The following SLC39A11 variants were observed in gnomAD, a reference collection of about 807,000 sequenced individuals.
The protein encoded by SLC39A11 is zinc transporter ZIP11.
Under a neutral mutation model 36.1 loss-of-function variants are expected in SLC39A11, and 33 were observed. The ratio of observed to expected loss-of-function variants is 0.91; its 90% CI spans 0.69 to 1.22. The LOEUF (loss-of-function observed/expected upper bound fraction) is 1.22. SLC39A11 is among the 50% of genes most tolerant of loss of function. SLC39A11 has a pLI of 0.00. For missense variants in SLC39A11, 432 were observed against 430.3 expected, an observed-to-expected ratio of 1.00 and a Z score of -0.03; for synonymous variants, 166 against 170.3, an observed-to-expected ratio of 0.97 and a Z score of 0.20.
At chr17:72,803,933 T>TGA (rs1206119440) in intron 6 of SLC39A11, among the ~76,000 whole-genome samples, 1 of 150,798 alleles carries the variant, frequency 6.6e-6, no homozygotes, top group East Asian at 1.9e-4. Context: ...CTCTTACACA[T>TGA]GAATACCCTA....
chr17:72,758,509 C>T (rs2075448436), intron 6 of SLC39A11, among the ~76,000 whole-genome samples: 1 of 152,176 alleles, frequency 6.6e-6, no homozygotes, highest in Admixed American at 6.5e-5. Flanking sequence ...TGTCATAGTT[C>T]AGGCCAGTGA....
intron 7 of SLC39A11, among the ~76,000 whole-genome samples, chr17:72,686,734 TA>T (rs1214060625): frequency 2.0e-5 from 3 of 152,148 alleles, no homozygotes; most frequent in Non-Finnish European, 2.9e-5. Context: ...ATAAGGGGCC[TA>T]TGAAAAAAGA....
chr17:72,923,991 T>G (rs533145919), intron 5 of SLC39A11, among the ~76,000 whole-genome samples: 1 of 151,594 alleles, frequency 6.6e-6, no homozygotes, highest in East Asian at 2.0e-4. Flanking sequence ...CAACAAATTT[T>G]TAAAAATTAC....
At chr17:72,898,735 C>T (rs1173982712) in intron 5 of SLC39A11, among the ~76,000 whole-genome samples, 1 of 152,250 alleles carries the variant, frequency 6.6e-6, no homozygotes, top group Non-Finnish European at 1.5e-5. Context: ...GATATTCATA[C>T]ATTATGCAAA....
intron 4 of SLC39A11, among the ~76,000 whole-genome samples, chr17:73,027,197 C>T (rs928119809): frequency 6.6e-6 from 1 of 152,220 alleles, no homozygotes; most frequent in Non-Finnish European, 1.5e-5. Flanking sequence ...AGAAGCACAA[C>T]TGCAAAATCA....
intron 4 of SLC39A11, among the ~76,000 whole-genome samples, chr17:73,011,746 T>TTC: frequency 6.6e-6 from 1 of 150,746 alleles, no homozygotes; most frequent in Non-Finnish European, 1.5e-5. Flanking sequence ...ACTGCAACCT[T>TTC]CGCCTCCTAG....
chr17:72,681,239 T>C (rs1028578909), intron 7 of SLC39A11, among the ~76,000 whole-genome samples: 2 of 152,154 alleles, frequency 1.3e-5, no homozygotes, highest in African/African-American at 2.4e-5. Flanking sequence ...CATGTTTTTG[T>C]TTGAATGCCT....
chr17:72,825,380 G>A (rs1323733144), intron 6 of SLC39A11, among the ~76,000 whole-genome samples: 2 of 152,260 alleles, frequency 1.3e-5, no homozygotes, highest in African/African-American at 2.4e-5. Flanking sequence ...AGATTTCAGA[G>A]GATGTATGGA....
At chr17:72,936,784 AC>A (rs5821933) in intron 5 of SLC39A11, among the ~76,000 whole-genome samples, 152,231 of 152,232 alleles carry the variant, frequency 1, 76,115 homozygotes, top group Middle Eastern at 1. Context: ...AAACCGTTCC[AC>A]CCTCCGATCA....
At chr17:73,057,767 G>A in intron 3 of SLC39A11, among the ~76,000 whole-genome samples, 1 of 152,106 alleles carries the variant, frequency 6.6e-6, no homozygotes, top group East Asian at 1.9e-4. Context: ...GTGAAACCCT[G>A]TCTCTACAAA....
At chr17:73,053,928 C>T (rs2059585875) in intron 3 of SLC39A11, among the ~76,000 whole-genome samples, 2 of 152,320 alleles carry the variant, frequency 1.3e-5, no homozygotes, top group South Asian at 4.1e-4. Context: ...ATCAGAAAGA[C>T]TGATTTCCGT....
intron 5 of SLC39A11, among the ~76,000 whole-genome samples, chr17:72,893,886 G>A (rs1322813919): frequency 6.6e-6 from 1 of 152,094 alleles, no homozygotes; most frequent in Non-Finnish European, 1.5e-5. Flanking sequence ...TAAAAATATT[G>A]TTTTCCTTTT....
In SLC39A11 at chr17:72,794,506, T is replaced by C. The variant is rs1230320858; in HGVS notation, c.601+55128A>G. 2.0e-5 allele frequency among the ~76,000 whole-genome samples: 3 copies of C among 152,100 alleles called. 1 individual carries two copies. The highest frequency in any genetic ancestry group is 7.3e-5 in the African/African-American group (3 of 41,350). Reference sequence around the variant, plus strand: ...AAGATGAAGTGCAAAGTGCTTATCATGGTCCCCAAGGCCCCGGTGTCCTGT... The same window carrying C: ...AAGATGAAGTGCAAAGTGCTTATCACGGTCCCCAAGGCCCCGGTGTCCTGT... On this transcript the variant is annotated intron_variant, in intron 6 of 9. Transcript: ENST00000255559.
At chr17:72,676,089 C>CACACACACAG (rs2144235129) in intron 7 of SLC39A11, among the ~76,000 whole-genome samples, 1 of 149,708 alleles carries the variant, frequency 6.7e-6, no homozygotes, top group African/African-American at 2.5e-5. Context: ...CACACACACA[C>CACACACACAG]ACACACACAC....
At chr17:72,782,938 A>T (rs986088061) in intron 6 of SLC39A11, among the ~76,000 whole-genome samples, 1 of 139,058 alleles carries the variant, frequency 7.2e-6, no homozygotes, top group Non-Finnish European at 1.5e-5. Flanking sequence ...GGAGGCGGAG[A>T]TTGCGGTGAG....
intron 6 of SLC39A11, among the ~76,000 whole-genome samples, chr17:72,752,239 C>A (rs1449649459): frequency 6.6e-6 from 1 of 151,996 alleles, no homozygotes; most frequent in Non-Finnish European, 1.5e-5. Flanking sequence ...TCCTTAATAT[C>A]TTTTTTTCTG....
chr17:72,891,865 T>C (rs2081763394), intron 5 of SLC39A11, among the ~76,000 whole-genome samples: 2 of 151,784 alleles, frequency 1.3e-5, no homozygotes, highest in African/African-American at 4.8e-5. Context: ...ATTTTTATTA[T>C]TTTAAAATTT....
chr17:72,896,882 A>G (rs1598321758), intron 5 of SLC39A11, among the ~76,000 whole-genome samples: 1 of 151,396 alleles, frequency 6.6e-6, no homozygotes, highest in African/African-American at 2.4e-5. Context: ...GAGAAACCCC[A>G]TCTCTACTAA....
At chr17:72,649,948 T>G (rs1036788653) in intron 7 of SLC39A11, among the ~76,000 whole-genome samples, 2 of 152,242 alleles carry the variant, frequency 1.3e-5, no homozygotes, top group Admixed American at 6.5e-5. Context: ...CATAAAGGAT[T>G]GCTGAGTGAC....
Sources: allele counts gnomAD v4.1 joint callset (sites outside exome capture counted in the v4.1 genomes callset), GRCh38; gene constraint gnomAD v4.1.1; transcripts MANE v1.5; gene names NCBI Gene and HGNC (gene_info 2026-07-23, HGNC 2026-07-21).